The following C1orf21 variants were observed in gnomAD, a reference collection of about 807,000 sequenced individuals.
C1orf21 encodes chromosome 1 open reading frame 21.
C1orf21 carries 3 observed loss-of-function variants against 18.7 expected under a neutral mutation model. The ratio of observed to expected loss-of-function variants is 0.16; its 90% confidence interval spans 0.07 to 0.42. The LOEUF is 0.42. Among genes scored for constraint, C1orf21 ranks in the 10% least tolerant of loss-of-function variants. The pLI is 0.99. For missense variants in C1orf21, 104 were observed against 143.6 expected, an observed-to-expected ratio of 0.72 and a Z score of 1.41; for synonymous variants, 41 against 46.4, an observed-to-expected ratio of 0.88 and a Z score of 0.47.
chr1:184,584,279 C>T (rs1659324134), intron 3 of C1orf21, among the ~76,000 whole-genome samples: 1 of 151,782 alleles, frequency 6.6e-6, no homozygotes, highest in African/African-American at 2.4e-5. Flanking sequence ...GTTAAGTATA[C>T]ACATGCTCCT....
At chr1:184,567,097 G>A in intron 3 of C1orf21, 1 of 478,950 alleles carries the variant, frequency 2.1e-6, no homozygotes, top group Admixed American at 2.3e-5. Flanking sequence ...AGGTGGCACA[G>A]TACTATGAAG....
At chr1:184,484,321 G>A (rs1465093345) in intron 2 of C1orf21, among the ~76,000 whole-genome samples, 1 of 152,088 alleles carries the variant, frequency 6.6e-6, no homozygotes, top group Non-Finnish European at 1.5e-5. Flanking sequence ...CCAGTACATG[G>A]TGACCTCTGC....
chr1:184,588,945 A>G (rs1032282924), intron 3 of C1orf21, among the ~76,000 whole-genome samples: 4 of 152,152 alleles, frequency 2.6e-5, no homozygotes, highest in Non-Finnish European at 1.5e-5. Context: ...CTGCTTGTCC[A>G]TTGAGCCTCT....
At chr1:184,489,802 G>C (rs1657790929) in intron 2 of C1orf21, among the ~76,000 whole-genome samples, 1 of 152,198 alleles carries the variant, frequency 6.6e-6, no homozygotes, top group Non-Finnish European at 1.5e-5. Flanking sequence ...TTCTGTGTGA[G>C]TGCATAAAAG....
intron 2 of C1orf21, among the ~76,000 whole-genome samples, chr1:184,503,164 C>G (rs1658003667): frequency 6.7e-6 from 1 of 148,790 alleles, no homozygotes; most frequent in Non-Finnish European, 1.5e-5. Flanking sequence ...GAAGCAAACT[C>G]TGGAAGGAAC....
intron 3 of C1orf21, among the ~76,000 whole-genome samples, chr1:184,514,879 T>G (rs948056690): frequency 2.7e-4 from 41 of 152,220 alleles, no homozygotes; most frequent in African/African-American, 8.4e-4. Context: ...AAGGTTTTAT[T>G]AAACAAAATA....
At chr1:184,479,375 G>A (rs1220695178) in intron 2 of C1orf21, among the ~76,000 whole-genome samples, 1 of 152,148 alleles carries the variant, frequency 6.6e-6, no homozygotes, top group Non-Finnish European at 1.5e-5. Flanking sequence ...CATTTATGGA[G>A]CCGTCACCAT....
rs1214786100 is a variant in C1orf21 at position 184,460,617 on chromosome 1, GTCGTCTTCTTCTTCTTCTTCTTCTTCT to G, written c.-124-16766_-124-16740del. On this transcript the variant is annotated intron_variant, in intron 1 of 5. Transcript: ENST00000235307. ...GAGTTGGGCTGTTAGTATTGTCGTC[GTCGTCTTCTTCTTCTTCTTCTTCTTCT>G]TCTTCTTCTTCTTCTTCTTCTTCTT... is the stretch of plus-strand genomic sequence containing the variant. Among the ~76,000 whole-genome samples, 179 of 116,546 alleles carry G rather than the reference GTCGTCTTCTTCTTCTTCTTCTTCTTCT, an allele frequency of 1.5e-3. 1 individual carries two copies. The highest frequency in any genetic ancestry group is 5.6e-3 in the African/African-American group (157 of 27,948). The allele number at this position is 116,546 out of a possible 152,430, so 76.5% of individuals were successfully genotyped here. A position where few individuals can be genotyped will look rare whatever the true frequency, so the allele number is the denominator to read the frequency against.
intron 2 of C1orf21, among the ~76,000 whole-genome samples, chr1:184,480,021 A>T (rs972393612): frequency 6.6e-6 from 1 of 152,166 alleles, no homozygotes; most frequent in East Asian, 1.9e-4. Flanking sequence ...TAATCCATAA[A>T]CCTTGCCATC....
At chr1:184,570,585 A>T (rs1569843) in intron 3 of C1orf21, among the ~76,000 whole-genome samples, 21 of 152,026 alleles carry the variant, frequency 1.4e-4, no homozygotes, top group African/African-American at 4.8e-4. Flanking sequence ...TTTAACATCA[A>T]GTCATCAATT....
chr1:184,534,149 TAGTTTATAG>T (rs1658511467), intron 3 of C1orf21, among the ~76,000 whole-genome samples: 1 of 152,194 alleles, frequency 6.6e-6, no homozygotes, highest in Non-Finnish European at 1.5e-5. Context: ...TGTCATTGCA[TAGTTTATAG>T]AGTGCTTTTA....
chr1:184,602,942 C>T (rs1186468709), intron 5 of C1orf21, among the ~76,000 whole-genome samples: 1 of 152,168 alleles, frequency 6.6e-6, no homozygotes, highest in African/African-American at 2.4e-5. Flanking sequence ...GTCACTTGCA[C>T]CTGATTACTG....
chr1:184,467,260 G>A (rs939577683), intron 1 of C1orf21, among the ~76,000 whole-genome samples: 2 of 152,126 alleles, frequency 1.3e-5, no homozygotes, highest in African/African-American at 4.8e-5. Flanking sequence ...CATTGTGCCG[G>A]AGGGAATACA....
intron 2 of C1orf21, among the ~76,000 whole-genome samples, chr1:184,483,874 G>C (rs1165651508): frequency 7.4e-6 from 1 of 134,410 alleles, no homozygotes; most frequent in Non-Finnish European, 1.5e-5. Context: ...CCTGAAGGTG[G>C]CTCATATCCA....
At chr1:184,487,470 A>G (rs772351060) in intron 2 of C1orf21, among the ~76,000 whole-genome samples, 35 of 152,350 alleles carry the variant, frequency 2.3e-4, no homozygotes, top group Admixed American at 1.3e-3. Context: ...ACCCCAGTTC[A>G]CTTAAGAAGT....
chr1:184,465,418 C>T (rs1031753688), intron 1 of C1orf21, among the ~76,000 whole-genome samples: 6 of 151,970 alleles, frequency 3.9e-5, no homozygotes, highest in Admixed American at 3.9e-4. Context: ...TAGAAAAAGC[C>T]GATTAATAAT....
chr1:184,566,775 A>T (rs1297952975), intron 3 of C1orf21: 7 of 420,628 alleles, frequency 1.7e-5, no homozygotes, highest in South Asian at 6.0e-5. Context: ...TGGTGTTGTG[A>T]TGCTGCTCTG....
At chr1:184,522,305 C>T (rs191239388) in intron 3 of C1orf21, among the ~76,000 whole-genome samples, 1 of 152,164 alleles carries the variant, frequency 6.6e-6, no homozygotes, top group Non-Finnish European at 1.5e-5. Flanking sequence ...AGTGTAGGTA[C>T]ATGTATGTAT....
rs1175132813 is a variant in C1orf21 at position 184,590,775 on chromosome 1, A to C, written c.226A>C (p.Asn76His). 1.2e-6 allele frequency: 2 copies of C among 1,614,010 alleles called. No homozygotes were observed. The highest frequency in any genetic ancestry group is 2.2e-5 in the South Asian group (2 of 91,074). ...CAGCTCAAATGTAAGACTTAAAACT[A>C]ATAAAGAGGTTCCGGGATTAGTTCA... ...SASSNVRLKT[N>H]KEVPGLVHQP... The change falls in exon 4 of 6, where the codon AAT (asparagine) becomes CAT (histidine). Residue 76 changes from asparagine to histidine, a missense_variant. Coordinates refer to ENST00000235307, the MANE Select transcript of C1orf21 (RefSeq NM_030806.4).
Sources: gnomAD v4.1 joint callset for allele counts (sites outside exome capture counted in the v4.1 genomes callset) on GRCh38, gnomAD v4.1.1 for gene constraint, MANE v1.5 for transcripts, NCBI Gene and HGNC (gene_info 2026-07-23, HGNC 2026-07-21) for gene names.